FAM221B: variants seen among roughly 807,000 people sequenced by gnomAD.
FAM221B encodes family with sequence similarity 221 member B.
FAM221B carries 35 observed loss-of-function variants against 39.8 expected under a neutral mutation model. That is an observed-to-expected ratio of 0.88 (90% CI 0.67 to 1.17). The LOEUF (loss-of-function observed/expected upper bound fraction) is 1.17. Among genes scored for constraint, FAM221B ranks in the 50% most tolerant of loss-of-function variants. The pLI is 0.00. For synonymous variants in FAM221B, 158 were observed against 178.1 expected (o/e 0.89, Z 0.90); for missense variants, 479 against 503.1 (o/e 0.95, Z 0.46).
At chr9:35,821,745 T>C in intron 3 of FAM221B, 1 of 524,266 alleles carries the variant, frequency 1.9e-6, no homozygotes, top group Non-Finnish European at 3.2e-6. Flanking sequence ...TGCCCAGCAT[T>C]CAGATGAAGA....
chr9:35,824,410 C>A (rs1009327679), intron 3 of FAM221B, among the ~76,000 whole-genome samples: 2 of 152,172 alleles, frequency 1.3e-5, no homozygotes, highest in Admixed American at 1.3e-4. Flanking sequence ...CAGGCTGAGG[C>A]TTGGAAACAG....
At chr9:35,819,532 G>A (rs1588089593) in intron 4 of FAM221B, 138 bp from the exon 5 acceptor site, 18 of 789,714 alleles carry the variant, frequency 2.3e-5, no homozygotes, top group East Asian at 1.6e-4. Context: ...TTGCTCTGTC[G>A]CCCAGGCTGG....
Position 35,828,338 on chromosome 9 carries a change from T to A in FAM221B, c.-1+125A>T, listed in dbSNP as rs10972593. 64,421 of 116,350 alleles carry A rather than the reference T, an allele frequency of 0.55. 13,959 individuals carry two copies. Among genetic ancestry groups the A allele is most frequent in the Admixed American group, 0.61 (7,174 of 11,668 alleles). The allele number at this position is 116,350 out of a possible 1,614,324, so 7.2% of individuals were successfully genotyped here. A position where few individuals can be genotyped will look rare whatever the true frequency, so the allele number is the denominator to read the frequency against. On this transcript the variant is annotated intron_variant, in intron 1 of 6. Coordinates refer to ENST00000423537, the MANE Select transcript of FAM221B (RefSeq NM_001012446.4). The surrounding 1 kb of genome is among the most constrained non-coding windows in gnomAD (Gnocchi z 4.5). The stretch of plus-strand genomic sequence containing the variant: ...CAACAACAACAACAACAACAACTAC[T>A]ACTACTACTACTACTACTACTACTA...
Position 35,819,013 on chromosome 9 carries a change from G to C in FAM221B, c.1052-4C>G, listed in dbSNP as rs569081009. 2.0e-4 allele frequency: 317 copies of C among 1,551,622 alleles called. 1 individual carries two copies. In the South Asian group the frequency reaches 3.6e-3, roughly 18 times the overall value. ...TCAAAACAGCCGCAGCAACAGCCTGGGGCAAAAGTGCAGCCAAGAAGAGTT... is the reference window on the plus strand; with the variant it reads ...TCAAAACAGCCGCAGCAACAGCCTGCGGCAAAAGTGCAGCCAAGAAGAGTT... On this transcript the variant is annotated splice_region_variant and splice_polypyrimidine_tract_variant and intron_variant, in intron 5 of 6. Coordinates refer to ENST00000423537, the MANE Select transcript of FAM221B (RefSeq NM_001012446.4).
chr9:35,828,673 A>T lies in FAM221B; in HGVS notation c.-211T>A. On this transcript the variant is annotated 5_prime_UTR_variant, in exon 1 of 7. An upstream start codon of the reference 5' UTR is lost. Coordinates refer to ENST00000423537, the MANE Select transcript of FAM221B (RefSeq NM_001012446.4). This position sits in a 1 kb window ranked among gnomAD's most constrained non-coding sequence, Gnocchi z 4.5. The stretch of plus-strand genomic sequence containing the variant: ...CAGAACTTCGCAAAGGAGCTCTGGC[A>T]TGACCTGGGGAAGTGGGTAGGGACA... 1 of 985,542 alleles carries T rather than the reference A, an allele frequency of 1.0e-6. No individual in the cohort carries two copies. The highest frequency in any genetic ancestry group is 4.7e-5 in the South Asian group (1 of 21,300). The allele number at this position is 985,542 out of a possible 1,614,324, so 61.0% of individuals were successfully genotyped here. A position where few individuals can be genotyped will look rare whatever the true frequency, so the allele number is the denominator to read the frequency against.
chr9:35,819,890 C>G lies in FAM221B; in HGVS notation c.853G>C (p.Asp285His). The G allele has an allele frequency of 2.5e-6, 4 of 1,588,398 alleles. No homozygotes were observed. The highest frequency in any genetic ancestry group is 3.4e-6 in the Non-Finnish European group (4 of 1,161,332). ...HLLREHRIIS[D>H]ISVPCKVSQC... Reference sequence around the variant, plus strand: ...GAGGGGCTGGTCAGTTCTCCCCTACCTGAGATGATCCGGTGCTCTCTCAAC... The same window carrying G: ...GAGGGGCTGGTCAGTTCTCCCCTACGTGAGATGATCCGGTGCTCTCTCAAC... The change falls in exon 4 of 7, where the codon GAC (aspartate) becomes CAC (histidine). Residue 285 changes from aspartate to histidine, a missense_variant and splice_region_variant. Physicochemically the swap from Asp to His is moderately conservative, Grantham distance 81 (BLOSUM62 -1). Transcript: ENST00000423537.
At chr9:35,824,220 T>C (rs1407527595) in intron 3 of FAM221B, among the ~76,000 whole-genome samples, 1 of 152,224 alleles carries the variant, frequency 6.6e-6, no homozygotes, top group Non-Finnish European at 1.5e-5. Context: ...ATCTATTGAA[T>C]TCAGTCTAGA....
chr9:35,819,859 A>G (rs2132138152), intron 4 of FAM221B, 31 bp downstream of exon 4: 1 of 1,302,598 alleles, frequency 7.7e-7, no homozygotes, highest in East Asian at 2.3e-5. Context: ...ATTCCTCCAC[A>G]CTCGAGAGGG....
In FAM221B at chr9:35,817,024, A is replaced by G. The variant is rs1829037099; in HGVS notation, c.*1445T>C. ...GCCAGTCTGGAGGATAGGTGGATAC[A>G]AAGCACTTTGAAATTAGTTATTTCT... On this transcript the variant is annotated 3_prime_UTR_variant, in exon 7 of 7. Coordinates refer to ENST00000423537, the MANE Select transcript of FAM221B (RefSeq NM_001012446.4). The G allele has an allele frequency of 6.6e-6, 1 of 152,258 alleles. No individual in the cohort carries two copies. The allele number at this position is 152,258 out of a possible 1,614,324, so 9.4% of individuals were successfully genotyped here.
rs1404894857 is a variant in FAM221B, at chr9:35,825,137, A to C, written c.742+93T>G. 17 of 1,449,138 alleles carry C rather than the reference A, an allele frequency of 1.2e-5. No individual in the cohort carries two copies. The highest frequency in any genetic ancestry group is 8.5e-6 in the Non-Finnish European group (9 of 1,059,940). 89.8% of individuals were successfully genotyped at this position (1,449,138 alleles called of 1,614,324 possible). ...TGGTATAGCCATTTCCAAAAGGGGA[A>C]GCTATCTGCTGAATGTTCAGGTTCC... On this transcript the variant is annotated intron_variant, in intron 3 of 6. Coordinates refer to ENST00000423537, the MANE Select transcript of FAM221B (RefSeq NM_001012446.4). The surrounding 1 kb of genome is among the most constrained non-coding windows in gnomAD (Gnocchi z 4.2).
In FAM221B at chr9:35,825,157, G is replaced by C. The variant is rs557381963; in HGVS notation, c.742+73C>G. On this transcript the variant is annotated intron_variant, in intron 3 of 6. Transcript: ENST00000423537. The surrounding 1 kb of genome is among the most constrained non-coding windows in gnomAD (Gnocchi z 4.2). ...GGGGAAGCTATCTGCTGAATGTTCA[G>C]GTTCCCAGATCTTTTGGATTAGAGG... is the stretch of plus-strand genomic sequence containing the variant. 3.8e-6 allele frequency: 6 copies of C among 1,565,836 alleles called. No homozygotes were observed. The African/African-American group carries it at 6.8e-5, about 18-fold the overall frequency.
At position 35,818,576 on chromosome 9, in the gene FAM221B, G is replaced by A. The variant is rs372571681; in HGVS notation, c.1172-70C>T. On this transcript the variant is annotated intron_variant, in intron 6 of 6. Transcript: ENST00000423537. ...CAGAAGGGAGGCCAGGCTGGAGACC[G>A]TGTGAACCAGGGAGCCCCGGGGGAC... is the stretch of plus-strand genomic sequence containing the variant. The A allele has an allele frequency of 9.0e-4, 1,309 of 1,454,988 alleles. 1 individual carries two copies. Among genetic ancestry groups the A allele is most frequent in the Non-Finnish European group, 1.1e-3 (1,215 of 1,060,304 alleles). The allele number at this position is 1,454,988 out of a possible 1,614,324, so 90.1% of individuals were successfully genotyped here.
chr9:35,825,464 C>A lies in FAM221B; in HGVS notation c.599-91G>T. ...ATGTCCAAGAGTAACCCAGTCTCCT[C>A]CTCCTGGGGCAAGTCAAGGACAGTG... is the stretch of plus-strand genomic sequence containing the variant. On this transcript the variant is annotated intron_variant, in intron 2 of 6. Transcript: ENST00000423537. The surrounding 1 kb of genome is among the most constrained non-coding windows in gnomAD (Gnocchi z 4.2). 2 of 1,588,634 alleles carry A rather than the reference C, an allele frequency of 1.3e-6. No homozygotes were observed. The highest frequency in any genetic ancestry group is 1.7e-6 in the Non-Finnish European group (2 of 1,163,366).
rs910787103 is a variant in FAM221B at position 35,828,165 on chromosome 9, G to A, written c.-1+298C>T. ...AAATTAGCTGGGCATGGTGGCAGGC[G>A]CCTGTAGTCCCAGCTACTGGGGAGG... is the stretch of plus-strand genomic sequence containing the variant. On this transcript the variant is annotated intron_variant, in intron 1 of 6. Transcript: ENST00000423537. The surrounding 1 kb of genome is among the most constrained non-coding windows in gnomAD (Gnocchi z 4.5). 2.6e-5 allele frequency among the ~76,000 whole-genome samples: 4 copies of A among 152,098 alleles called. No individual in the cohort carries two copies. Among genetic ancestry groups the A allele is most frequent in the African/African-American group, 7.2e-5 (3 of 41,400 alleles).
rs940335231 is a variant in FAM221B, at chr9:35,819,462, C to T, written c.854-68G>A. The T allele has an allele frequency of 9.2e-5, 129 of 1,402,626 alleles. No homozygotes were observed. The South Asian group carries it at 1.6e-3, about 17-fold the overall frequency. 86.9% of individuals were successfully genotyped at this position (1,402,626 alleles called of 1,614,324 possible). On this transcript the variant is annotated intron_variant, in intron 4 of 6. Transcript: ENST00000423537. ...CTTGCCTTCTCATGCCAACCCCATCCTCCATCCCCACCACCCCCTATGCAC... is the reference window on the plus strand; with the variant it reads ...CTTGCCTTCTCATGCCAACCCCATCTTCCATCCCCACCACCCCCTATGCAC...
Position 35,825,996 on chromosome 9 carries a change from AT to A in FAM221B, c.165del (p.Glu55AspfsTer13). 1 of 1,614,072 alleles carries A rather than the reference AT, an allele frequency of 6.2e-7. No homozygotes were observed. Among genetic ancestry groups the A allele is most frequent in the Non-Finnish European group, 8.5e-7 (1 of 1,180,012 alleles). On this transcript the variant is annotated frameshift_variant, in exon 2 of 7. Coordinates refer to ENST00000423537, the MANE Select transcript of FAM221B (RefSeq NM_001012446.4). LOFTEE classifies it high-confidence loss of function. The surrounding 1 kb of genome is among the most constrained non-coding windows in gnomAD (Gnocchi z 4.2). Reference sequence around the variant, plus strand: ...TGGGAAGGGGATGGCACCAAAGGGGATTCAGAGGTATGGGGCTCTAACGGGG... The same window carrying A: ...TGGGAAGGGGATGGCACCAAAGGGGATCAGAGGTATGGGGCTCTAACGGGG... ...SETPLEPHTS[E>X]SPLVPSPSQI...
Position 35,828,326 on chromosome 9 carries a change from A to AACT in FAM221B, c.-1+136_-1+137insAGT, listed in dbSNP as rs1829495879. On this transcript the variant is annotated intron_variant, in intron 1 of 6. Transcript: ENST00000423537. This position sits in a 1 kb window ranked among gnomAD's most constrained non-coding sequence, Gnocchi z 4.5. ...CAACAACAACAACAACAACAACAAC[A>AACT]ACAACAACTACTACTACTACTACTA... is the stretch of plus-strand genomic sequence containing the variant. 1.4e-5 allele frequency: 2 copies of AACT among 139,438 alleles called. No homozygotes were observed. The highest frequency in any genetic ancestry group is 2.1e-4 in the East Asian group (1 of 4,752). The allele number at this position is 139,438 out of a possible 1,614,324, so 8.6% of individuals were successfully genotyped here.
chr9:35,818,754 G>A, intron 6 of FAM221B, 136 bp downstream of exon 6: 1 of 1,205,888 alleles, frequency 8.3e-7, no homozygotes, highest in Non-Finnish European at 1.2e-6. Context: ...TGGGATGCAG[G>A]TAGGTGGGTG....
chr9:35,825,345 A>G lies in FAM221B; in HGVS notation c.627T>C (p.Ala209=), dbSNP rs529635249. 6.2e-7 allele frequency: 1 copy of G among 1,614,228 alleles called. No individual in the cohort carries two copies. The highest frequency in any genetic ancestry group is 2.2e-5 in the East Asian group (1 of 44,892). ...CCACTTCCACCAGCTCTGTCTGCCT[A>G]GCAGGGAACACTGGGCGGGCTGTGT... ...LGNTARPVFP[A]RQTELVEVAK... is the part of the protein sequence containing the mutation. Residue 209 remains alanine (A), a synonymous_variant, in exon 3 of 7, where the codon GCT becomes GCC. Transcript: ENST00000423537. The surrounding 1 kb of genome is among the most constrained non-coding windows in gnomAD (Gnocchi z 4.2).
Sources: gnomAD v4.1 joint callset for allele counts (sites outside exome capture counted in the v4.1 genomes callset) on GRCh38, gnomAD v4.1.1 for gene constraint, Gnocchi (gnomAD v3.1) non-coding constraint, MANE v1.5 for transcripts, NCBI Gene and HGNC (gene_info 2026-07-23, HGNC 2026-07-21) for gene names.